PARD6B: variants seen among roughly 807,000 people sequenced by gnomAD.
PARD6B encodes the protein partitioning defective 6 homolog beta.
In PARD6B, 4 loss-of-function variants were observed where a neutral mutation model predicts 10.5. That is an observed-to-expected ratio of 0.38 (90% CI 0.19 to 0.87). The LOEUF is 0.87. Ranked by LOEUF, PARD6B falls within the 40% of genes least tolerant of loss-of-function variation. The pLI, the probability that PARD6B is intolerant of heterozygous loss-of-function variation, is 0.41. For missense variants in PARD6B, 396 were observed against 470.6 expected, an observed-to-expected ratio of 0.84 and a Z score of 1.47; for synonymous variants, 169 against 170.4, an observed-to-expected ratio of 0.99 and a Z score of 0.07.
At position 50,751,262 on chromosome 20, in the gene PARD6B, T is replaced by G; in HGVS notation, c.*774T>G. 4.2e-6 allele frequency: 4 copies of G among 958,872 alleles called. No individual in the cohort carries two copies. The highest frequency in any genetic ancestry group is 3.7e-6 in the Non-Finnish European group (3 of 813,746). 59.4% of individuals were successfully genotyped at this position (958,872 alleles called of 1,614,324 possible). On this transcript the variant is annotated 3_prime_UTR_variant, in exon 3 of 3. Transcript: ENST00000371610. Reference sequence around the variant, plus strand: ...GATTAGAGCCACCATGCCCAGCCTATTTTGATTTTTGTTTTTTTATGTTCC... The same window carrying G: ...GATTAGAGCCACCATGCCCAGCCTAGTTTGATTTTTGTTTTTTTATGTTCC...
chr20:50,750,954 A>ATTTTTTTTTTTT lies in PARD6B; in HGVS notation c.*487_*498dup, dbSNP rs565068464. The ATTTTTTTTTTTT allele has an allele frequency of 6.9e-4, 269 of 387,812 alleles. 24 individuals carry two copies. The highest frequency in any genetic ancestry group is 3.5e-3 in the East Asian group (10 of 2,864). The allele number at this position is 387,812 out of a possible 1,614,324, so 24.0% of individuals were successfully genotyped here. A position where few individuals can be genotyped will look rare whatever the true frequency, so the allele number is the denominator to read the frequency against. On this transcript the variant is annotated 3_prime_UTR_variant, in exon 3 of 3. Transcript: ENST00000371610. ...CTCATGTTCCCAATATTTTATTTTG[A>ATTTTTTTTTTTT]TTTTTTTTTTTTTTTTTTTTTTTTT...
At chr20:50,734,846 T>C (rs186201409) in intron 1 of PARD6B, among the ~76,000 whole-genome samples, 8 of 152,246 alleles carry the variant, frequency 5.3e-5, no homozygotes, top group African/African-American at 1.2e-4. Context: ...GATCTCTTTT[T>C]CTTCATATAA....
chr20:50,749,644 T>A lies in PARD6B; in HGVS notation c.290-15T>A. 1 of 1,544,282 alleles carries A rather than the reference T, an allele frequency of 6.5e-7. No homozygotes were observed. Among genetic ancestry groups the A allele is most frequent in the Non-Finnish European group, 8.7e-7 (1 of 1,149,558 alleles). On this transcript the variant is annotated splice_polypyrimidine_tract_variant and intron_variant, in intron 2 of 2. Coordinates refer to ENST00000371610, the MANE Select transcript of PARD6B (RefSeq NM_032521.3). ...TACAGCATTTCTATAATTATTTTGT[T>A]TTATTTTTAAACAGAAGAAGCAGAC...
chr20:50,742,299 C>T (rs2087535240), intron 2 of PARD6B, among the ~76,000 whole-genome samples: 1 of 152,196 alleles, frequency 6.6e-6, no homozygotes, highest in Non-Finnish European at 1.5e-5. Flanking sequence ...CCACCTCGGC[C>T]TCCCAAAGTG....
In PARD6B at chr20:50,750,968, T is replaced by A. The variant is rs866426045; in HGVS notation, c.*480T>A. 4 of 386,796 alleles carry A rather than the reference T, an allele frequency of 1.0e-5. No individual in the cohort carries two copies. Among genetic ancestry groups the A allele is most frequent in the Non-Finnish European group, 1.2e-5 (4 of 321,798 alleles). 24.0% of individuals were successfully genotyped at this position (386,796 alleles called of 1,614,324 possible). ...ATTTTATTTTGATTTTTTTTTTTTT[T>A]TTTTTTTTTTTTTTTTTTAGTGACT... On this transcript the variant is annotated 3_prime_UTR_variant, in exon 3 of 3. Coordinates refer to ENST00000371610, the MANE Select transcript of PARD6B (RefSeq NM_032521.3).
intron 1 of PARD6B, among the ~76,000 whole-genome samples, chr20:50,736,612 G>A (rs1047443879): frequency 6.6e-5 from 10 of 151,762 alleles, no homozygotes; most frequent in South Asian, 4.2e-4. Flanking sequence ...AGGTTTCCAC[G>A]TTTGAGGAAA....
rs193000916 is a variant in PARD6B, at chr20:50,736,089, A to T, written c.67-1768A>T. On this transcript the variant is annotated intron_variant, in intron 1 of 2. Coordinates refer to ENST00000371610, the MANE Select transcript of PARD6B (RefSeq NM_032521.3). ...ATTTTCTTGACAGATGTTAGTGTTTATGTTTCAGGAATGTGTTTTGGGAAC... is the reference window on the plus strand; with the variant it reads ...ATTTTCTTGACAGATGTTAGTGTTTTTGTTTCAGGAATGTGTTTTGGGAAC... Among the ~76,000 whole-genome samples the T allele has an allele frequency of 1.6e-3, 241 of 152,306 alleles. 2 individuals carry two copies. The highest frequency in any genetic ancestry group is 5.6e-3 in the African/African-American group (234 of 41,558).
chr20:50,738,982 G>A (rs997256787), intron 2 of PARD6B, among the ~76,000 whole-genome samples: 1 of 150,824 alleles, frequency 6.6e-6, no homozygotes, highest in Non-Finnish European at 1.5e-5. Flanking sequence ...TAGCCTTTGT[G>A]TGTGTATGTA....
At chr20:50,748,373 G>C (rs2123707727) in intron 2 of PARD6B, among the ~76,000 whole-genome samples, 1 of 152,228 alleles carries the variant, frequency 6.6e-6, no homozygotes, top group Admixed American at 6.5e-5. Flanking sequence ...CTGAGGGAGA[G>C]TGTTTATTTG....
chr20:50,735,967 GACTA>G (rs1381772680), intron 1 of PARD6B, among the ~76,000 whole-genome samples: 17 of 152,214 alleles, frequency 1.1e-4, no homozygotes, highest in African/African-American at 4.1e-4. Flanking sequence ...AACATCATGA[GACTA>G]ACTGATATGA....
chr20:50,731,731 G>A lies in PARD6B; in HGVS notation c.-56G>A. 7.2e-7 allele frequency: 1 copy of A among 1,390,726 alleles called. No homozygotes were observed. Among genetic ancestry groups the A allele is most frequent in the South Asian group, 1.5e-5 (1 of 66,140 alleles). The allele number at this position is 1,390,726 out of a possible 1,614,324, so 86.1% of individuals were successfully genotyped here. A position where few individuals can be genotyped will look rare whatever the true frequency, so the allele number is the denominator to read the frequency against. On this transcript the variant is annotated 5_prime_UTR_variant, in exon 1 of 3. Transcript: ENST00000371610. ...ATCCCCAGTCGCGCACTCGCTCCCC[G>A]CGCTCCTGAGGGGCCGCCCGGCCGG...
Position 50,750,526 on chromosome 20 carries a change from G to T in PARD6B, c.*38G>T. On this transcript the variant is annotated 3_prime_UTR_variant, in exon 3 of 3. Coordinates refer to ENST00000371610, the MANE Select transcript of PARD6B (RefSeq NM_032521.3). ...AATGTTTTCAGAGTGAGGATGCCAT[G>T]AGGACTTGTACATTTGGCTAGTTTA... 6.3e-7 allele frequency: 1 copy of T among 1,587,918 alleles called. No homozygotes were observed.
intron 2 of PARD6B, among the ~76,000 whole-genome samples, chr20:50,744,832 G>C (rs918932108): frequency 6.6e-6 from 1 of 152,144 alleles, no homozygotes; most frequent in Admixed American, 6.5e-5. Flanking sequence ...CTACAAGCCA[G>C]GCCAGGTCCC....
chr20:50,750,034 A>G lies in PARD6B; in HGVS notation c.665A>G (p.Glu222Gly), dbSNP rs748716496. 1.2e-6 allele frequency: 2 copies of G among 1,614,218 alleles called. No individual in the cohort carries two copies. The highest frequency in any genetic ancestry group is 3.3e-5 in the Admixed American group (2 of 60,014). The change falls in exon 3 of 3, where the codon GAA becomes GGA. Residue 222 changes from glutamate to glycine, a missense_variant. Physicochemically the swap from Glu to Gly is moderately conservative, Grantham distance 98 (BLOSUM62 -2). Coordinates refer to ENST00000371610, the MANE Select transcript of PARD6B (RefSeq NM_032521.3). ...GAAGTTTTAGAAGTTAATGGCATAG[A>G]AGTTTCAGGGAAGAGCCTTGATCAA... Reference protein sequence around the residue: ...NDEVLEVNGIEVSGKSLDQVT... With the variant: ...NDEVLEVNGIGVSGKSLDQVT...
In PARD6B at chr20:50,751,394, C is replaced by T. The variant is rs1180730145; in HGVS notation, c.*906C>T. On this transcript the variant is annotated 3_prime_UTR_variant, in exon 3 of 3. Transcript: ENST00000371610. ...TTTTTGAGATGGAGTCTCGCTCTAT[C>T]GCCCAGGCTGGAGTGCAGTGGCGCG... 3.0e-5 allele frequency: 26 copies of T among 858,112 alleles called. No individual in the cohort carries two copies. Among genetic ancestry groups the T allele is most frequent in the South Asian group, 1.6e-4 (3 of 18,426 alleles). 53.2% of individuals were successfully genotyped at this position (858,112 alleles called of 1,614,324 possible).
rs1413641639 is a variant in PARD6B at position 50,753,316 on chromosome 20, T to G, written c.*2828T>G. 1 of 985,000 alleles carries G rather than the reference T, an allele frequency of 1.0e-6. No individual in the cohort carries two copies. Among genetic ancestry groups the G allele is most frequent in the East Asian group, 1.1e-4 (1 of 8,824 alleles). The allele number at this position is 985,000 out of a possible 1,614,324, so 61.0% of individuals were successfully genotyped here. A position where few individuals can be genotyped will look rare whatever the true frequency, so the allele number is the denominator to read the frequency against. On this transcript the variant is annotated 3_prime_UTR_variant, in exon 3 of 3. Transcript: ENST00000371610. ...GTGAAATAATTGATTACTAGATATA[T>G]TGTAAAACCAATAGATCCTGGTTAT...
At chr20:50,748,699 T>A (rs1264006480) in intron 2 of PARD6B, among the ~76,000 whole-genome samples, 1 of 151,844 alleles carries the variant, frequency 6.6e-6, no homozygotes, top group African/African-American at 2.4e-5. Context: ...CCTGGCTAAT[T>A]TTTTTTTACT....
chr20:50,743,387 T>G (rs2087541773), intron 2 of PARD6B, among the ~76,000 whole-genome samples: 1 of 152,212 alleles, frequency 6.6e-6, no homozygotes, highest in Admixed American at 6.5e-5. Context: ...GCTTTAAACT[T>G]TGTCTCTCAT....
Position 50,751,740 on chromosome 20 carries a change from T to TTTTTTG in PARD6B, c.*1252_*1253insTTTTTG, listed in dbSNP as rs2087611989. 2.1e-6 allele frequency: 2 copies of TTTTTTG among 961,284 alleles called. No individual in the cohort carries two copies. The highest frequency in any genetic ancestry group is 3.6e-5 in the African/African-American group (2 of 55,706). 59.5% of individuals were successfully genotyped at this position (961,284 alleles called of 1,614,324 possible). On this transcript the variant is annotated 3_prime_UTR_variant, in exon 3 of 3. Coordinates refer to ENST00000371610, the MANE Select transcript of PARD6B (RefSeq NM_032521.3). ...TGAGGAAGCTTTTTTTTTTTTTTTT[T>TTTTTTG]GAGACAGAGTCTCTGTCACCCAGGC...
Sources: gnomAD v4.1 joint callset for allele counts (sites outside exome capture counted in the v4.1 genomes callset) on GRCh38, gnomAD v4.1.1 for gene constraint, MANE v1.5 for transcripts, NCBI Gene and HGNC (gene_info 2026-07-23, HGNC 2026-07-21) for gene names.